Variants in GAS7 observed in about 807,000 individuals in gnomAD.
GAS7 encodes growth arrest specific 7, also known as growth arrest-specific protein 7.
A neutral mutation model predicts 71.1 loss-of-function variants in GAS7; 28 were observed. That is an observed-to-expected ratio of 0.39 (90% CI 0.29 to 0.54). The LOEUF (loss-of-function observed/expected upper bound fraction) is 0.54. Among genes scored for constraint, GAS7 ranks in the 20% least tolerant of loss-of-function variants. The pLI, the probability that GAS7 is intolerant of heterozygous loss-of-function variation, is 0.62. For synonymous variants in GAS7, 258 were observed against 245.8 expected, an observed-to-expected ratio of 1.05 and a Z score of -0.46; for missense variants, 436 against 627.8, an observed-to-expected ratio of 0.69 and a Z score of 3.27.
At chr17:10,003,134 G>C (rs1440128805) in intron 2 of GAS7, among the ~76,000 whole-genome samples, 1 of 152,190 alleles carries the variant, frequency 6.6e-6, no homozygotes, top group African/African-American at 2.4e-5. Context: ...GGGGCTGGCT[G>C]GGGGTGATAG....
At chr17:10,052,675 C>T (rs1432239861) in intron 1 of GAS7, among the ~76,000 whole-genome samples, 1 of 152,236 alleles carries the variant, frequency 6.6e-6, no homozygotes, top group African/African-American at 2.4e-5. Context: ...CGCACTCACG[C>T]TCAGTCACCA....
chr17:9,912,335 G>A lies in GAS7; in HGVS notation c.*4893C>T. ...ATCATTGGAAATGAGAAAGGGAGGA[G>A]GTACATGCAGTTGCCGGTGGCCTGA... On this transcript the variant is annotated 3_prime_UTR_variant, in exon 14 of 14. Coordinates refer to ENST00000432992, the MANE Select transcript of GAS7 (RefSeq NM_201433.2). The A allele has an allele frequency of 4.3e-6, 1 of 232,962 alleles. No individual in the cohort carries two copies. Among genetic ancestry groups the A allele is most frequent in the Non-Finnish European group, 8.5e-6 (1 of 117,878 alleles). 14.4% of individuals were successfully genotyped at this position (232,962 alleles called of 1,614,324 possible).
intron 1 of GAS7, among the ~76,000 whole-genome samples, chr17:10,069,248 C>T (rs748109043): frequency 2.0e-5 from 3 of 152,184 alleles, no homozygotes; most frequent in South Asian, 2.1e-4. Flanking sequence ...GCACCATGTC[C>T]GTGGAATGGT....
rs1166354996 is a variant in GAS7 at position 10,034,855 on chromosome 17, G to A, written c.184-14958C>T. Among the ~76,000 whole-genome samples, 6 of 152,006 alleles carry A rather than the reference G, an allele frequency of 3.9e-5. No individual in the cohort carries two copies. Among genetic ancestry groups the A allele is most frequent in the Admixed American group, 6.6e-5 (1 of 15,264 alleles). ...TCCACCTCTTCCCTGTCACTCCTCC[G>A]AGCCACGTGAGTGGTCTTAGCTCTA... is the stretch of plus-strand genomic sequence containing the variant. On this transcript the variant is annotated intron_variant, in intron 1 of 13. Coordinates refer to ENST00000432992, the MANE Select transcript of GAS7 (RefSeq NM_201433.2). This position sits in a 1 kb window ranked among gnomAD's most constrained non-coding sequence, Gnocchi z 4.4.
At chr17:10,017,734 C>A (rs752079294) in intron 2 of GAS7, among the ~76,000 whole-genome samples, 1 of 152,210 alleles carries the variant, frequency 6.6e-6, no homozygotes, top group Non-Finnish European at 1.5e-5. Context: ...GTTTACCTAT[C>A]ATCCAGGGCT....
intron 1 of GAS7, among the ~76,000 whole-genome samples, chr17:10,172,814 G>A (rs2142133059): frequency 6.6e-6 from 1 of 152,340 alleles, no homozygotes; most frequent in East Asian, 1.9e-4. Context: ...TCCATTGCCA[G>A]TAACCCATGC....
chr17:10,179,203 C>A (rs2074396101), intron 1 of GAS7, among the ~76,000 whole-genome samples: 1 of 152,162 alleles, frequency 6.6e-6, no homozygotes, highest in African/African-American at 2.4e-5. Flanking sequence ...GTGGTGCATG[C>A]CTGTAATCCC....
At chr17:10,094,531 C>T (rs1233580679) in intron 1 of GAS7, among the ~76,000 whole-genome samples, 2 of 151,812 alleles carry the variant, frequency 1.3e-5, no homozygotes, top group Admixed American at 1.3e-4. Flanking sequence ...TGCAGCGGCG[C>T]GATCTCGGCT....
chr17:10,194,235 G>C (rs1305911233), intron 1 of GAS7, among the ~76,000 whole-genome samples: 1 of 152,228 alleles, frequency 6.6e-6, no homozygotes, highest in Non-Finnish European at 1.5e-5. Context: ...TTCAAAGAAA[G>C]CTCTATTTTG....
chr17:10,080,909 A>G (rs2073450497), intron 1 of GAS7, among the ~76,000 whole-genome samples: 1 of 152,238 alleles, frequency 6.6e-6, no homozygotes, highest in Non-Finnish European at 1.5e-5. Context: ...GAAAGACCCC[A>G]GCAACAGAAC....
intron 5 of GAS7, among the ~76,000 whole-genome samples, chr17:9,950,160 G>A (rs2068949536): frequency 6.6e-6 from 1 of 152,090 alleles, no homozygotes; most frequent in East Asian, 2.0e-4. Context: ...CACTGTGCTG[G>A]GCCTCTTTCT....
intron 5 of GAS7, among the ~76,000 whole-genome samples, chr17:9,957,226 C>G (rs897769335): frequency 3.3e-5 from 5 of 152,244 alleles, no homozygotes; most frequent in African/African-American, 1.2e-4. Flanking sequence ...AACTGAAGGT[C>G]TGGGGTGCCA....
rs144588491 is a variant in GAS7 at position 9,932,988 on chromosome 17, C to T, written c.885+1178G>A. Among the ~76,000 whole-genome samples the T allele has an allele frequency of 4.2e-3, 639 of 151,982 alleles. 4 individuals carry two copies. The highest frequency in any genetic ancestry group is 0.015 in the African/African-American group (609 of 41,460). ...GAGTTCAACACCAGCCTGGCCAACA[C>T]GGTGAAACCCCATCTCTACTAAAAA... On this transcript the variant is annotated intron_variant, in intron 9 of 13. Coordinates refer to ENST00000432992, the MANE Select transcript of GAS7 (RefSeq NM_201433.2).
intron 1 of GAS7, among the ~76,000 whole-genome samples, chr17:10,159,368 G>A (rs970712503): frequency 2.0e-5 from 3 of 151,862 alleles, no homozygotes; most frequent in Non-Finnish European, 4.4e-5. Context: ...GAATGTTCAA[G>A]GTAGCACTGT....
rs2067994040 is a variant in GAS7 at position 9,926,206 on chromosome 17, C to T, written c.1014+435G>A. Reference sequence around the variant, plus strand: ...TCCCTCTAAGGCTGAACATCAGTTCCCTGGAGGTGAGACCACCCAGGACTC... The same window carrying T: ...TCCCTCTAAGGCTGAACATCAGTTCTCTGGAGGTGAGACCACCCAGGACTC... On this transcript the variant is annotated intron_variant, in intron 10 of 13. Coordinates refer to ENST00000432992, the MANE Select transcript of GAS7 (RefSeq NM_201433.2). The surrounding 1 kb of genome is among the most constrained non-coding windows in gnomAD (Gnocchi z 5.0). Among the ~76,000 whole-genome samples the T allele has an allele frequency of 6.6e-6, 1 of 152,128 alleles. No individual in the cohort carries two copies.
intron 1 of GAS7, among the ~76,000 whole-genome samples, chr17:10,191,549 C>T (rs994785439): frequency 8.1e-6 from 1 of 123,406 alleles, no homozygotes; most frequent in African/African-American, 3.2e-5. Flanking sequence ...GAGCAAGACC[C>T]TGTGTCAAAA....
intron 1 of GAS7, among the ~76,000 whole-genome samples, chr17:10,057,076 G>A (rs762796699): frequency 6.6e-6 from 1 of 152,300 alleles, no homozygotes; most frequent in Non-Finnish European, 1.5e-5. Flanking sequence ...GATTGCAGAC[G>A]GAGTCTCGTT....
In GAS7 at chr17:9,941,348, C is replaced by T. The variant is rs150374863; in HGVS notation, c.732-1148G>A. ...AGTAGATCTATCCATGCCACGCTCC[C>T]GGCTCCTCAATGCCGACAGCATGCA... On this transcript the variant is annotated intron_variant, in intron 7 of 13. Transcript: ENST00000432992. Among the ~76,000 whole-genome samples the T allele has an allele frequency of 7.6e-4, 115 of 152,288 alleles. 1 individual carries two copies. The highest frequency in any genetic ancestry group is 2.7e-3 in the African/African-American group (112 of 41,550).
At chr17:9,939,374 A>C (rs1464938333) in intron 8 of GAS7, among the ~76,000 whole-genome samples, 3 of 152,144 alleles carry the variant, frequency 2.0e-5, no homozygotes, top group Admixed American at 6.5e-5. Flanking sequence ...CAGTCACAGC[A>C]TTAGCGGGAA....
Sources: allele counts gnomAD v4.1 joint callset (sites outside exome capture counted in the v4.1 genomes callset), GRCh38; gene constraint gnomAD v4.1.1; non-coding constraint Gnocchi (gnomAD v3.1); transcripts MANE v1.5; gene names NCBI Gene and HGNC (gene_info 2026-07-23, HGNC 2026-07-21).